The following GRIA2 variants were observed in gnomAD, a reference collection of about 807,000 sequenced individuals.
The protein encoded by GRIA2 is glutamate receptor 2.
A neutral mutation model predicts 97.3 loss-of-function variants in GRIA2; 14 were observed. The ratio of observed to expected loss-of-function variants is 0.14; its 90% CI spans 0.10 to 0.23. The LOEUF is 0.23. Among genes scored for constraint, GRIA2 ranks in the 10% least tolerant of loss-of-function variants. The pLI is 1.00. For missense variants in GRIA2, 558 were observed against 1,069.8 expected, an observed-to-expected ratio of 0.52 and a Z score of 6.67; for synonymous variants, 412 against 387.8, an observed-to-expected ratio of 1.06 and a Z score of -0.73.
intron 2 of GRIA2, among the ~76,000 whole-genome samples, chr4:157,264,287 C>T (rs146161554): frequency 2.0e-5 from 3 of 152,190 alleles, no homozygotes; most frequent in Admixed American, 6.6e-5. Flanking sequence ...GAGGTGTCAG[C>T]AGGGCTGCTT....
At chr4:157,272,229 T>G (rs1317286696) in intron 2 of GRIA2, among the ~76,000 whole-genome samples, 2 of 152,080 alleles carry the variant, frequency 1.3e-5, no homozygotes, top group East Asian at 3.9e-4. Flanking sequence ...ATAGCAGGAC[T>G]TCTCGTTTCC....
chr4:157,303,477 T>A (rs1203034560), intron 2 of GRIA2, 75 bp from the exon 3 acceptor site: 4 of 1,242,924 alleles, frequency 3.2e-6, no homozygotes, highest in African/African-American at 1.5e-5. Flanking sequence ...AAAAGGACAT[T>A]ACGTTTTAAG....
At chr4:157,342,229 A>G in intron 12 of GRIA2, 2 of 983,226 alleles carry the variant, frequency 2.0e-6, no homozygotes, top group African/African-American at 1.7e-5. Context: ...ATTCGAATAT[A>G]TCTGAGTTTC....
chr4:157,269,566 C>G (rs939870143), intron 2 of GRIA2, among the ~76,000 whole-genome samples: 1 of 152,012 alleles, frequency 6.6e-6, no homozygotes, highest in Non-Finnish European at 1.5e-5. Context: ...CTGGCCTGAA[C>G]TGTTCATCAT....
chr4:157,348,060 G>A (rs1735838930), intron 12 of GRIA2, among the ~76,000 whole-genome samples: 1 of 151,848 alleles, frequency 6.6e-6, no homozygotes, highest in South Asian at 2.1e-4. Context: ...AGGTTGCAGT[G>A]AGCCGGGATC....
chr4:157,355,376 A>C (rs112549038), intron 12 of GRIA2, among the ~76,000 whole-genome samples: 1 of 151,578 alleles, frequency 6.6e-6, no homozygotes, highest in African/African-American at 2.4e-5. Context: ...AAAAATACAA[A>C]AATTAGCCAG....
At chr4:157,224,564 A>G (rs1381852437) in intron 2 of GRIA2, among the ~76,000 whole-genome samples, 2 of 152,182 alleles carry the variant, frequency 1.3e-5, no homozygotes, top group African/African-American at 4.8e-5. Flanking sequence ...TATGGACAAT[A>G]GAAGATGTAA....
intron 2 of GRIA2, among the ~76,000 whole-genome samples, chr4:157,228,492 G>A (rs2126685108): frequency 6.6e-6 from 1 of 152,210 alleles, no homozygotes; most frequent in Non-Finnish European, 1.5e-5. Flanking sequence ...CTGTTAGGAT[G>A]ATGCAAAAAC....
intron 2 of GRIA2, among the ~76,000 whole-genome samples, chr4:157,270,968 CTA>C (rs1170131035): frequency 6.8e-6 from 1 of 146,384 alleles, no homozygotes; most frequent in Admixed American, 6.8e-5. Context: ...CTGTTTATTT[CTA>C]TGAGTTTGTT....
At chr4:157,310,279 A>G (rs2126881123) in intron 3 of GRIA2, among the ~76,000 whole-genome samples, 1 of 152,284 alleles carries the variant, frequency 6.6e-6, no homozygotes, top group African/African-American at 2.4e-5. Context: ...TCCCTTGAGA[A>G]ATTTAGGTTT....
chr4:157,301,894 G>A (rs1369033056), intron 2 of GRIA2, among the ~76,000 whole-genome samples: 1 of 151,966 alleles, frequency 6.6e-6, no homozygotes, highest in East Asian at 1.9e-4. Context: ...CACATATTTG[G>A]CCAGGCATGG....
chr4:157,354,968 G>A (rs199837441), intron 12 of GRIA2, among the ~76,000 whole-genome samples: 1 of 152,132 alleles, frequency 6.6e-6, no homozygotes, highest in East Asian at 1.9e-4. Flanking sequence ...AATTCTAACT[G>A]TGCATGCAGT....
At chr4:157,277,263 T>A (rs1392138068) in intron 2 of GRIA2, among the ~76,000 whole-genome samples, 1 of 151,832 alleles carries the variant, frequency 6.6e-6, no homozygotes, top group African/African-American at 2.4e-5. Flanking sequence ...ATCTATCACA[T>A]CAACAAACTA....
At chr4:157,269,792 A>G (rs138193006) in intron 2 of GRIA2, among the ~76,000 whole-genome samples, 2,845 of 152,162 alleles carry the variant, frequency 0.019, 33 homozygotes, top group Middle Eastern at 0.078. Context: ...GTGTCTGTTA[A>G]ATTTTACTTA....
intron 8 of GRIA2, among the ~76,000 whole-genome samples, chr4:157,333,581 T>G (rs1378127457): frequency 6.6e-6 from 1 of 152,036 alleles, no homozygotes; most frequent in Non-Finnish European, 1.5e-5. Flanking sequence ...TGAACTTTAA[T>G]TTTTTAGACT....
At chr4:157,289,969 T>C (rs972071249) in intron 2 of GRIA2, among the ~76,000 whole-genome samples, 3 of 151,862 alleles carry the variant, frequency 2.0e-5, no homozygotes, top group Non-Finnish European at 2.9e-5. Context: ...TCAGCCCTAC[T>C]GTCACTATCT....
In GRIA2 at chr4:157,277,819, T is replaced by G. The variant is rs961553684; in HGVS notation, c.230-25733T>G. On this transcript the variant is annotated intron_variant, in intron 2 of 15. Transcript: ENST00000264426. ...AATATAATAAAATATGTATGCTATA[T>G]ATATATGTATATATGTATATATATA... Among the ~76,000 whole-genome samples the G allele has an allele frequency of 8.2e-5, 12 of 145,652 alleles. No individual in the cohort carries two copies. The East Asian group carries it at 2.4e-3, about 29-fold the overall frequency.
In GRIA2 at chr4:157,332,882, A is replaced by C; in HGVS notation, c.946A>C (p.Lys316Gln). The C allele has an allele frequency of 6.2e-7, 1 of 1,612,604 alleles. No homozygotes were observed. The highest frequency in any genetic ancestry group is 8.5e-7 in the Non-Finnish European group (1 of 1,178,928). ...GACTGAAGCCTTCCGCAACCTAAGG[A>C]AGCAAAGAATTGAAATCTCCCGAAG... ...VMTEAFRNLRKQRIEISRRGN... is the reference protein window; with the variant it reads ...VMTEAFRNLRQQRIEISRRGN... The change falls in exon 7 of 16, where the codon AAG becomes CAG. Residue 316 changes from lysine to glutamine, a missense_variant. Physicochemically the swap from Lys to Gln is moderately conservative, Grantham distance 53. This residue lies in a region of GRIA2 where 173 missense variants were observed against 209.1 expected (regional missense o/e 0.83). Coordinates refer to ENST00000264426, the MANE Select transcript of GRIA2 (RefSeq NM_001083619.3).
chr4:157,287,127 A>T (rs1476957498), intron 2 of GRIA2, among the ~76,000 whole-genome samples: 2 of 151,612 alleles, frequency 1.3e-5, no homozygotes, highest in Non-Finnish European at 3.0e-5. Flanking sequence ...TCTCAGTAAA[A>T]CATCTATTTT....
Sources: gnomAD v4.1 joint callset for allele counts (sites outside exome capture counted in the v4.1 genomes callset) on GRCh38, gnomAD v4.1.1 for gene constraint, gnomAD v4.1.1 regional missense constraint, MANE v1.5 for transcripts, NCBI Gene and HGNC (gene_info 2026-07-23, HGNC 2026-07-21) for gene names.